VSTM2B: variants seen among roughly 807,000 people sequenced by gnomAD.
The protein encoded by VSTM2B is V-set and transmembrane domain-containing protein 2B.
A neutral mutation model predicts 24.0 loss-of-function variants in VSTM2B; 24 were observed. The observed-to-expected ratio is 1.00, with a 90% CI of 0.72 to 1.40. The LOEUF is 1.40. Among genes scored for constraint, VSTM2B ranks in the 40% most tolerant of loss-of-function variants. The probability of loss-of-function intolerance (pLI) is 0.00; values close to 1 mark genes in which losing one functional copy is unlikely to be tolerated. For missense variants in VSTM2B, 399 were observed against 416.4 expected (o/e 0.96, Z 0.36); for synonymous variants, 226 against 194.4 (o/e 1.16, Z -1.35).
At chr19:29,549,864 C>T (rs78919645) in intron 4 of VSTM2B, among the ~76,000 whole-genome samples, 10,339 of 152,248 alleles carry the variant, frequency 0.068, 543 homozygotes, top group African/African-American at 0.14. Context: ...CTGCTGCACT[C>T]CTGAGCGGGC....
intron 4 of VSTM2B, among the ~76,000 whole-genome samples, chr19:29,536,586 G>A (rs995019734): frequency 3.3e-5 from 5 of 152,138 alleles, no homozygotes; most frequent in Admixed American, 1.3e-4. Context: ...TGTGTGCCAC[G>A]CTCTCCTCTC....
intron 4 of VSTM2B, among the ~76,000 whole-genome samples, chr19:29,560,286 C>T (rs1049918331): frequency 6.6e-6 from 1 of 152,170 alleles, no homozygotes; most frequent in Non-Finnish European, 1.5e-5. Flanking sequence ...CAATCAACCA[C>T]TATAATATTG....
In VSTM2B at chr19:29,527,308, G is replaced by T. The variant is rs1303102977; in HGVS notation, c.180G>T (p.Ser60=). 1.3e-6 allele frequency: 2 copies of T among 1,550,276 alleles called. No homozygotes were observed. Among genetic ancestry groups the T allele is most frequent in the Admixed American group, 2.0e-5 (1 of 51,002 alleles). ...AFRASGATSY[S]LEIQWWYLKE... Reference sequence around the variant, plus strand: ...GGGCCAGCGGAGCCACCTCGTATTCGCTGGAGATTCAGTGGTGGTACCTCA... The same window carrying T: ...GGGCCAGCGGAGCCACCTCGTATTCTCTGGAGATTCAGTGGTGGTACCTCA... The change falls in exon 2 of 5, where the codon TCG becomes TCT. Residue 60 remains serine (S), a synonymous_variant. Transcript: ENST00000335523.
chr19:29,562,025 G>A (rs1351845977), intron 4 of VSTM2B, among the ~76,000 whole-genome samples: 2 of 152,158 alleles, frequency 1.3e-5, no homozygotes, highest in Non-Finnish European at 2.9e-5. Flanking sequence ...CTGTCCTAAC[G>A]CTTCTCAGCC....
intron 4 of VSTM2B, among the ~76,000 whole-genome samples, chr19:29,552,978 C>T (rs12460320): frequency 0.043 from 6,605 of 152,222 alleles, 171 homozygotes; most frequent in African/African-American, 0.074. Context: ...GGGACTGAGC[C>T]CCTCAGGGGA....
In VSTM2B at chr19:29,527,310, T is replaced by C; in HGVS notation, c.182T>C (p.Leu61Pro). Residue 61 changes from leucine (L) to proline (P), a missense_variant, in exon 2 of 5, where the codon CTG (leucine) becomes CCG (proline). Physicochemically the swap from Leu to Pro is moderately conservative, Grantham distance 98. Transcript: ENST00000335523. ...FRASGATSYS[L>P]EIQWWYLKEP... ...GCCAGCGGAGCCACCTCGTATTCGC[T>C]GGAGATTCAGTGGTGGTACCTCAAG... 6.5e-7 allele frequency: 1 copy of C among 1,550,270 alleles called. No individual in the cohort carries two copies. Among genetic ancestry groups the C allele is most frequent in the Non-Finnish European group, 8.7e-7 (1 of 1,146,794 alleles).
At chr19:29,540,920 T>A (rs1970005463) in intron 4 of VSTM2B, among the ~76,000 whole-genome samples, 2 of 152,112 alleles carry the variant, frequency 1.3e-5, no homozygotes, top group South Asian at 4.1e-4. Flanking sequence ...AAGTGACATT[T>A]GAGCCATAAT....
rs780416543 is a variant in VSTM2B, at chr19:29,529,931, C to T, written c.410C>T (p.Thr137Met). ...CRVSDYSDDD[T>M]QEHKAQAMLR... ...GTGTCGGACTACAGCGACGACGACA[C>T]GCAGGAGCACAAGGCCCAGGCGATG... is the stretch of plus-strand genomic sequence containing the variant. The change falls in exon 4 of 5, where the codon ACG (threonine) becomes ATG (methionine). Residue 137 changes from threonine to methionine, a missense_variant. Transcript: ENST00000335523. 11 of 1,549,932 alleles carry T rather than the reference C, an allele frequency of 7.1e-6. No homozygotes were observed. The South Asian group carries it at 1.2e-4, about 17-fold the overall frequency.
At chr19:29,527,532 AT>A in intron 2 of VSTM2B, 137 bp downstream of exon 2, 2 of 706,956 alleles carry the variant, frequency 2.8e-6, no homozygotes, top group Non-Finnish European at 4.3e-6. Flanking sequence ...CCACCTTCGC[AT>A]CCCAAAGCAT....
In VSTM2B at chr19:29,545,473, C is replaced by T. The variant is rs1016985683; in HGVS notation, c.769+15183C>T. On this transcript the variant is annotated intron_variant, in intron 4 of 4. Coordinates refer to ENST00000335523, the MANE Select transcript of VSTM2B (RefSeq NM_001146339.2). ...ACTAAAAATACAAAAATTAGCTGGGCGTGCTGGCACATGCCTGTAACCCCA... is the reference window on the plus strand; with the variant it reads ...ACTAAAAATACAAAAATTAGCTGGGTGTGCTGGCACATGCCTGTAACCCCA... 4.6e-5 allele frequency among the ~76,000 whole-genome samples: 7 copies of T among 152,048 alleles called. No individual in the cohort carries two copies. The East Asian group carries it at 9.7e-4, about 21-fold the overall frequency.
Position 29,526,508 on chromosome 19 carries a change from C to T in VSTM2B, c.-76C>T. Reference sequence around the variant, plus strand: ...GGCTCGGAGGCGTCCTAGCCCGAGCCGGAGCCGATCCGAGCCCACGCGGCC... The same window carrying T: ...GGCTCGGAGGCGTCCTAGCCCGAGCTGGAGCCGATCCGAGCCCACGCGGCC... On this transcript the variant is annotated 5_prime_UTR_variant, in exon 1 of 5. Coordinates refer to ENST00000335523, the MANE Select transcript of VSTM2B (RefSeq NM_001146339.2). This position sits in a 1 kb window ranked among gnomAD's most constrained non-coding sequence, Gnocchi z 4.1. The T allele has an allele frequency of 1.6e-6, 2 of 1,234,536 alleles. No homozygotes were observed. Among genetic ancestry groups the T allele is most frequent in the South Asian group, 1.6e-5 (1 of 64,430 alleles). The allele number at this position is 1,234,536 out of a possible 1,614,324, so 76.5% of individuals were successfully genotyped here.
intron 4 of VSTM2B, among the ~76,000 whole-genome samples, chr19:29,557,529 C>G (rs1448079370): frequency 6.6e-6 from 1 of 152,104 alleles, no homozygotes; most frequent in Non-Finnish European, 1.5e-5. Flanking sequence ...GAAACCCCAT[C>G]TCTACTGAAA....
chr19:29,549,194 C>T (rs561237962), intron 4 of VSTM2B, among the ~76,000 whole-genome samples: 5 of 152,360 alleles, frequency 3.3e-5, no homozygotes, highest in Admixed American at 3.3e-4. Flanking sequence ...GACCCTTCTG[C>T]AAATCAGACA....
At chr19:29,533,250 G>A (rs1969801480) in intron 4 of VSTM2B, among the ~76,000 whole-genome samples, 1 of 152,248 alleles carries the variant, frequency 6.6e-6, no homozygotes, top group Admixed American at 6.5e-5. Context: ...TAATGCCCAT[G>A]TGGGTCACTC....
intron 4 of VSTM2B, among the ~76,000 whole-genome samples, chr19:29,531,189 T>A (rs899383344): frequency 3.9e-5 from 6 of 152,112 alleles, no homozygotes; most frequent in African/African-American, 1.4e-4. Flanking sequence ...TCTCTCCCCC[T>A]GCTCCAAGCT....
intron 4 of VSTM2B, among the ~76,000 whole-genome samples, chr19:29,550,073 G>A (rs1213261805): frequency 6.6e-6 from 1 of 152,182 alleles, no homozygotes; most frequent in Non-Finnish European, 1.5e-5. Flanking sequence ...GAGCTGAGGG[G>A]CCCCTATCCA....
At chr19:29,540,101 C>T (rs969672834) in intron 4 of VSTM2B, among the ~76,000 whole-genome samples, 13 of 152,256 alleles carry the variant, frequency 8.5e-5, no homozygotes, top group African/African-American at 2.9e-4. Context: ...CATACAAATG[C>T]CGCTTGGCCC....
intron 4 of VSTM2B, among the ~76,000 whole-genome samples, chr19:29,562,894 C>T (rs7259612): frequency 0.29 from 43,576 of 151,922 alleles, 6,992 homozygotes; most frequent in African/African-American, 0.42. Context: ...TATGATCACA[C>T]TGGAGAGACA....
In VSTM2B at chr19:29,526,541, C is replaced by G. The variant is rs1226789650; in HGVS notation, c.-43C>G. ...ATCCGAGCCCACGCGGCCGCCGCCT[C>G]TCCGCTCCCGGGCCCCCGCCGCCAC... On this transcript the variant is annotated 5_prime_UTR_variant, in exon 1 of 5. Transcript: ENST00000335523. This position sits in a 1 kb window ranked among gnomAD's most constrained non-coding sequence, Gnocchi z 4.1. 6.8e-7 allele frequency: 1 copy of G among 1,473,006 alleles called. No individual in the cohort carries two copies. Among genetic ancestry groups the G allele is most frequent in the East Asian group, 2.8e-5 (1 of 35,816 alleles). 91.2% of individuals were successfully genotyped at this position (1,473,006 alleles called of 1,614,324 possible).
Sources: allele counts gnomAD v4.1 joint callset (sites outside exome capture counted in the v4.1 genomes callset), GRCh38; gene constraint gnomAD v4.1.1; non-coding constraint Gnocchi (gnomAD v3.1); transcripts MANE v1.5; gene names NCBI Gene and HGNC (gene_info 2026-07-23, HGNC 2026-07-21).